NUDT3: variants seen among roughly 807,000 people sequenced by gnomAD.
NUDT3 encodes diphosphoinositol polyphosphate phosphohydrolase 1.
A neutral mutation model predicts 23.6 loss-of-function variants in NUDT3; 9 were observed. The ratio of observed to expected loss-of-function variants is 0.38; its 90% CI spans 0.23 to 0.66. NUDT3 has a LOEUF of 0.66. Among genes scored for constraint, NUDT3 ranks in the 30% least tolerant of loss-of-function variants. The probability of loss-of-function intolerance (pLI) is 0.52; values close to 1 mark genes in which losing one functional copy is unlikely to be tolerated. For synonymous variants in NUDT3, 86 were observed against 82.6 expected (o/e 1.04, Z -0.22); for missense variants, 172 against 218.5 (o/e 0.79, Z 1.34).
At chr6:34,370,747 G>T (rs937459496) in intron 1 of NUDT3, among the ~76,000 whole-genome samples, 1 of 152,104 alleles carries the variant, frequency 6.6e-6, no homozygotes. Flanking sequence ...ACATAAACAC[G>T]ATTTTTGTTA....
At chr6:34,298,148 G>A (rs939168241) in intron 2 of NUDT3, among the ~76,000 whole-genome samples, 3 of 152,012 alleles carry the variant, frequency 2.0e-5, no homozygotes, top group Admixed American at 1.3e-4. Flanking sequence ...GACTGCTTGA[G>A]CCCAAGAGTT....
chr6:34,288,427 C>G lies in NUDT3; in HGVS notation c.*326G>C, dbSNP rs373392065. 1 of 228,702 alleles carries G rather than the reference C, an allele frequency of 4.4e-6. No homozygotes were observed. Among genetic ancestry groups the G allele is most frequent in the Non-Finnish European group, 8.4e-6 (1 of 118,788 alleles). The allele number at this position is 228,702 out of a possible 1,614,324, so 14.2% of individuals were successfully genotyped here. A position where few individuals can be genotyped will look rare whatever the true frequency, so the allele number is the denominator to read the frequency against. On this transcript the variant is annotated 3_prime_UTR_variant, in exon 5 of 5. Transcript: ENST00000607016. The stretch of plus-strand genomic sequence containing the variant: ...ACGTCTGGCCAGGGCCAGGATAAGA[C>G]AAACAGGAACACTTCAGAATCCAAG...
intron 2 of NUDT3, among the ~76,000 whole-genome samples, chr6:34,327,301 C>A (rs930145642): frequency 6.6e-6 from 1 of 151,850 alleles, no homozygotes; most frequent in Non-Finnish European, 1.5e-5. Flanking sequence ...GAGGCCGAGG[C>A]GGGTGGATCA....
At chr6:34,348,128 A>G (rs1273752220) in intron 1 of NUDT3, among the ~76,000 whole-genome samples, 11 of 151,872 alleles carry the variant, frequency 7.2e-5, no homozygotes, top group Non-Finnish European at 1.6e-4. Context: ...AAAAACAAAA[A>G]CAAAAAAATT....
intron 2 of NUDT3, among the ~76,000 whole-genome samples, chr6:34,312,394 T>G (rs2113710549): frequency 7.0e-6 from 1 of 142,270 alleles, no homozygotes; most frequent in African/African-American, 2.6e-5. Context: ...AAAGTGAGAC[T>G]CATCACCAAA....
At chr6:34,358,438 T>A (rs1764597622) in intron 1 of NUDT3, among the ~76,000 whole-genome samples, 1 of 152,138 alleles carries the variant, frequency 6.6e-6, no homozygotes, top group Admixed American at 6.6e-5. Flanking sequence ...ACAGACCTTA[T>A]CTATGTCTTA....
At chr6:34,333,199 T>C (rs964519438) in intron 2 of NUDT3, among the ~76,000 whole-genome samples, 1 of 152,184 alleles carries the variant, frequency 6.6e-6, no homozygotes, top group Non-Finnish European at 1.5e-5. Flanking sequence ...AAAGGGAATA[T>C]TTTAGCCCTC....
chr6:34,327,330 A>C (rs905195298), intron 2 of NUDT3, among the ~76,000 whole-genome samples: 1 of 152,008 alleles, frequency 6.6e-6, no homozygotes, highest in Non-Finnish European at 1.5e-5. Flanking sequence ...AGAGATCGAG[A>C]CCATCCTGGC....
Position 34,388,193 on chromosome 6 carries a change from T to C in NUDT3, c.99+4071A>G, listed in dbSNP as rs571937307. 3.9e-5 allele frequency among the ~76,000 whole-genome samples: 6 copies of C among 152,310 alleles called. No homozygotes were observed. The East Asian group carries it at 5.8e-4, about 15-fold the overall frequency. ...TGCAGTAGGCTATACCATCCAGGTA[T>C]GTGTAAGTACATTCTATGATGTTTA... On this transcript the variant is annotated intron_variant, in intron 1 of 4. Transcript: ENST00000607016.
At chr6:34,389,933 C>G (rs1443136373) in intron 1 of NUDT3, among the ~76,000 whole-genome samples, 1 of 150,922 alleles carries the variant, frequency 6.6e-6, no homozygotes, top group Non-Finnish European at 1.5e-5. Context: ...CACTGCACTC[C>G]ACCATGGGCG....
intron 1 of NUDT3, among the ~76,000 whole-genome samples, chr6:34,387,337 A>G (rs1449803711): frequency 6.6e-6 from 1 of 152,152 alleles, no homozygotes; most frequent in East Asian, 1.9e-4. Context: ...AAGACCTCCC[A>G]GTGGGATAAG....
intron 2 of NUDT3, among the ~76,000 whole-genome samples, chr6:34,335,435 A>C (rs1379919976): frequency 6.6e-6 from 1 of 152,066 alleles, no homozygotes; most frequent in African/African-American, 2.4e-5. Flanking sequence ...ATAATTTATA[A>C]TATTTTACGT....
At chr6:34,380,891 C>A (rs916992858) in intron 1 of NUDT3, among the ~76,000 whole-genome samples, 1 of 152,194 alleles carries the variant, frequency 6.6e-6, no homozygotes, top group Non-Finnish European at 1.5e-5. Flanking sequence ...CCATATTCGA[C>A]CAAGCTGTTC....
At position 34,299,250 on chromosome 6, in the gene NUDT3, GGTAT is replaced by G. The variant is rs1345581915; in HGVS notation, c.211-3569_211-3566del. On this transcript the variant is annotated intron_variant, in intron 2 of 4. Transcript: ENST00000607016. ...TTAAATTTGGTCCCATCAGGATGCT[GGTAT>G]GGATCTGTCTTTTGCAAAATTATAC... Among the ~76,000 whole-genome samples, 26 of 152,256 alleles carry G rather than the reference GGTAT, an allele frequency of 1.7e-4. 1 individual carries two copies. In the South Asian group the frequency reaches 5.2e-3, roughly 30 times the overall value.
At chr6:34,324,232 A>G (rs1190188262) in intron 2 of NUDT3, among the ~76,000 whole-genome samples, 1 of 152,106 alleles carries the variant, frequency 6.6e-6, no homozygotes, top group Non-Finnish European at 1.5e-5. Context: ...ACACACCTCT[A>G]ATCCCAGCTA....
chr6:34,387,421 TTGTTTTCAACCAAAGA>T (rs898228170), intron 1 of NUDT3, among the ~76,000 whole-genome samples: 1 of 152,124 alleles, frequency 6.6e-6, no homozygotes, highest in Non-Finnish European at 1.5e-5. Flanking sequence ...GTTTGTGTCT[TTGTTTTCAACCAAAGA>T]AAAAGCTTAA....
At chr6:34,327,260 C>T (rs192026085) in intron 2 of NUDT3, among the ~76,000 whole-genome samples, 8 of 151,972 alleles carry the variant, frequency 5.3e-5, no homozygotes, top group East Asian at 1.9e-4. Context: ...AGGCCGGGCG[C>T]GGTGGCTCAC....
rs990262657 is a variant in NUDT3 at position 34,283,244 on chromosome 6, G to T, written c.*5509C>A. The T allele has an allele frequency of 7.4e-6, 1 of 135,412 alleles. No individual in the cohort carries two copies. Among genetic ancestry groups the T allele is most frequent in the Non-Finnish European group, 1.5e-5 (1 of 65,908 alleles). 8.4% of individuals were successfully genotyped at this position (135,412 alleles called of 1,614,324 possible). ...TTTTGAGACGGAGTCTTGCTCTGTC[G>T]CCTAGGCTGCAGTGCAGTGGCGGGA... On this transcript the variant is annotated 3_prime_UTR_variant, in exon 5 of 5. Coordinates refer to ENST00000607016, the MANE Select transcript of NUDT3 (RefSeq NM_006703.4).
chr6:34,342,429 G>A (rs745786693), intron 1 of NUDT3, among the ~76,000 whole-genome samples: 1 of 151,772 alleles, frequency 6.6e-6, no homozygotes, highest in Non-Finnish European at 1.5e-5. Context: ...TCTCACCCAT[G>A]AACTGGGAGC....
Sources: gnomAD v4.1 joint callset for allele counts (sites outside exome capture counted in the v4.1 genomes callset) on GRCh38, gnomAD v4.1.1 for gene constraint, MANE v1.5 for transcripts, NCBI Gene and HGNC (gene_info 2026-07-23, HGNC 2026-07-21) for gene names.